CTNNA3: variants seen among roughly 807,000 people sequenced by gnomAD.
CTNNA3 encodes catenin alpha-3.
In CTNNA3, 76 loss-of-function variants were observed where a neutral mutation model predicts 95.7. The observed-to-expected ratio is 0.79, with a 90% confidence interval of 0.66 to 0.96. CTNNA3 has a LOEUF of 0.96. CTNNA3 is among the 40% of genes least tolerant of loss of function. CTNNA3 has a pLI of 0.00. For missense variants in CTNNA3, 1,191 were observed against 1,089.8 expected, an observed-to-expected ratio of 1.09 and a Z score of -1.31; for synonymous variants, 431 against 374.4, an observed-to-expected ratio of 1.15 and a Z score of -1.74.
At chr10:67,100,890 C>T (rs1293996810) in intron 7 of CTNNA3, among the ~76,000 whole-genome samples, 1 of 151,684 alleles carries the variant, frequency 6.6e-6, no homozygotes, top group Non-Finnish European at 1.5e-5. Context: ...AGTCTTTCCA[C>T]TGTACTAAAA....
intron 10 of CTNNA3, among the ~76,000 whole-genome samples, chr10:66,574,124 A>G (rs1727299489): frequency 6.6e-6 from 1 of 152,116 alleles, no homozygotes; most frequent in African/African-American, 2.4e-5. Flanking sequence ...GTATTAATAT[A>G]TTCATTTTAA....
chr10:66,893,162 G>A (rs912349524), intron 7 of CTNNA3, among the ~76,000 whole-genome samples: 6 of 152,150 alleles, frequency 3.9e-5, no homozygotes, highest in Admixed American at 2.6e-4. Context: ...CCTTGGGTCC[G>A]TGCATGCAGT....
At chr10:67,135,475 C>A (rs1860251758) in intron 7 of CTNNA3, among the ~76,000 whole-genome samples, 1 of 151,770 alleles carries the variant, frequency 6.6e-6, no homozygotes, top group South Asian at 2.1e-4. Context: ...CCAGCCTGGG[C>A]AAAACAGTGA....
chr10:67,436,494 C>T (rs1454638078), intron 5 of CTNNA3, among the ~76,000 whole-genome samples: 2 of 152,144 alleles, frequency 1.3e-5, no homozygotes, highest in Non-Finnish European at 2.9e-5. Context: ...GACTAAAGAG[C>T]TTCTGCACAG....
chr10:67,062,712 C>A (rs1925585), intron 7 of CTNNA3, among the ~76,000 whole-genome samples: 2 of 152,102 alleles, frequency 1.3e-5, no homozygotes, highest in African/African-American at 4.8e-5. Flanking sequence ...CCCTGCATTG[C>A]CTGGAAGCTA....
intron 11 of CTNNA3, among the ~76,000 whole-genome samples, chr10:66,450,424 A>T (rs2093455957): frequency 6.6e-6 from 1 of 152,072 alleles, no homozygotes; most frequent in Admixed American, 6.6e-5. Context: ...AAGGCTTTAG[A>T]CCTCACTTTA....
At chr10:65,956,225 A>T (rs1184869059) in intron 17 of CTNNA3, among the ~76,000 whole-genome samples, 1 of 152,104 alleles carries the variant, frequency 6.6e-6, no homozygotes, top group Non-Finnish European at 1.5e-5. Flanking sequence ...CTGTGGGATA[A>T]GTGGTGAGAT....
intron 15 of CTNNA3, among the ~76,000 whole-genome samples, chr10:66,024,947 A>G (rs1023901948): frequency 1.3e-5 from 2 of 152,258 alleles, no homozygotes; most frequent in Non-Finnish European, 2.9e-5. Context: ...TTTCTAAGCC[A>G]TAGTACATGA....
intron 9 of CTNNA3, among the ~76,000 whole-genome samples, chr10:66,634,302 A>G (rs1415132527): frequency 6.6e-6 from 1 of 152,200 alleles, no homozygotes; most frequent in African/African-American, 2.4e-5. Flanking sequence ...GAAAATACAC[A>G]TATATAATGA....
chr10:66,127,893 G>A lies in CTNNA3; in HGVS notation c.1885-24644C>T, dbSNP rs142546948. On this transcript the variant is annotated intron_variant, in intron 13 of 17. Transcript: ENST00000433211. ...AGTTTGAGACCAGCCTGGCCAACAT[G>A]GTGAAACCCCATCTCTAATAAAAAT... Among the ~76,000 whole-genome samples the A allele has an allele frequency of 3.1e-3, 478 of 152,170 alleles. 2 individuals carry two copies. The highest frequency in any genetic ancestry group is 0.011 in the African/African-American group (450 of 41,512).
Position 66,246,166 on chromosome 10 carries a change from T to C in CTNNA3, c.1884+34304A>G, listed in dbSNP as rs577989837. 4.6e-5 allele frequency among the ~76,000 whole-genome samples: 7 copies of C among 152,250 alleles called. No individual in the cohort carries two copies. In the South Asian group the frequency reaches 1.5e-3, roughly 32 times the overall value. ...GCTTGGCCCTGACTTTCCTCCAAGATCAGAGTGGGCACCACACTGAGAGCA... is the reference window on the plus strand; with the variant it reads ...GCTTGGCCCTGACTTTCCTCCAAGACCAGAGTGGGCACCACACTGAGAGCA... On this transcript the variant is annotated intron_variant, in intron 13 of 17. Coordinates refer to ENST00000433211, the MANE Select transcript of CTNNA3 (RefSeq NM_013266.4).
At chr10:67,520,674 A>G (rs374963844) in intron 5 of CTNNA3, among the ~76,000 whole-genome samples, 2 of 152,174 alleles carry the variant, frequency 1.3e-5, no homozygotes, top group African/African-American at 4.8e-5. Flanking sequence ...AAAAGAATGT[A>G]TTTGCCCTGG....
intron 12 of CTNNA3, among the ~76,000 whole-genome samples, chr10:66,301,133 A>G (rs1414830113): frequency 6.6e-6 from 1 of 152,154 alleles, no homozygotes; most frequent in Non-Finnish European, 1.5e-5. Context: ...ACACAGACAT[A>G]GATAACATGA....
chr10:67,401,735 CAT>C (rs895551436), intron 5 of CTNNA3, among the ~76,000 whole-genome samples: 25 of 152,176 alleles, frequency 1.6e-4, no homozygotes, highest in Non-Finnish European at 3.4e-4. Flanking sequence ...CAAATGTTAA[CAT>C]AGACAAAGGA....
chr10:66,331,803 A>G (rs893990669), intron 12 of CTNNA3, among the ~76,000 whole-genome samples: 1 of 151,808 alleles, frequency 6.6e-6, no homozygotes, highest in African/African-American at 2.4e-5. Flanking sequence ...TTGCTTCCAT[A>G]TGAACTTTAA....
chr10:67,184,897 CCA>C (rs1190477570), intron 6 of CTNNA3, among the ~76,000 whole-genome samples: 17 of 151,950 alleles, frequency 1.1e-4, no homozygotes, highest in African/African-American at 3.9e-4. Context: ...AAAATAAATC[CCA>C]TTCTGACATG....
intron 7 of CTNNA3, among the ~76,000 whole-genome samples, chr10:66,939,812 T>C (rs905831994): frequency 1.3e-5 from 2 of 152,174 alleles, no homozygotes; most frequent in African/African-American, 4.8e-5. Flanking sequence ...TTTGAGAACC[T>C]TGCAGTCCAT....
chr10:66,384,129 C>A (rs1402624923), intron 11 of CTNNA3, among the ~76,000 whole-genome samples: 1 of 151,980 alleles, frequency 6.6e-6, no homozygotes, highest in Non-Finnish European at 1.5e-5. Context: ...GCTAAATACC[C>A]CAATTAAAAG....
intron 5 of CTNNA3, among the ~76,000 whole-genome samples, chr10:67,509,715 G>T (rs944640789): frequency 2.0e-5 from 3 of 152,140 alleles, no homozygotes; most frequent in Non-Finnish European, 4.4e-5. Flanking sequence ...CCAGTAATGG[G>T]GTTGCTGGAT....
Sources: gnomAD v4.1 joint callset for allele counts (sites outside exome capture counted in the v4.1 genomes callset) on GRCh38, gnomAD v4.1.1 for gene constraint, MANE v1.5 for transcripts, NCBI Gene and HGNC (gene_info 2026-07-23, HGNC 2026-07-21) for gene names.